ALPL: variants seen among roughly 807,000 people sequenced by gnomAD.
The protein encoded by ALPL is alkaline phosphatase, biomineralization associated.
A neutral mutation model predicts 51.3 loss-of-function variants in ALPL; 42 were observed. That is an observed-to-expected ratio of 0.82 (90% confidence interval 0.64 to 1.06). The LOEUF (loss-of-function observed/expected upper bound fraction) is 1.06, where lower values mean the gene tolerates loss of function less well. Among genes scored for constraint, ALPL ranks in the 50% least tolerant of loss-of-function variants. The probability of loss-of-function intolerance (pLI) is 0.00; values close to 1 mark genes in which losing one functional copy is unlikely to be tolerated. For missense variants in ALPL, 589 were observed against 709.4 expected (o/e 0.83, Z 1.93); for synonymous variants, 279 against 296.4 (o/e 0.94, Z 0.60).
intron 1 of ALPL, among the ~76,000 whole-genome samples, chr1:21,538,298 C>G (rs1325553308): frequency 6.6e-6 from 1 of 152,150 alleles, no homozygotes; most frequent in East Asian, 1.9e-4. Flanking sequence ...GGGCTCTCGG[C>G]GTCAGCCCTG....
chr1:21,564,841 A>G lies in ALPL; in HGVS notation c.648+625A>G, dbSNP rs553139659. Among the ~76,000 whole-genome samples, 95 of 152,332 alleles carry G rather than the reference A, an allele frequency of 6.2e-4. No individual in the cohort carries two copies. Among genetic ancestry groups the G allele is most frequent in the African/African-American group, 2.2e-3 (93 of 41,570 alleles). The stretch of plus-strand genomic sequence containing the variant: ...GAGCTCAGCACAGGACCCGAGGCCT[A>G]GCGAGTGCCCAGAAGGTGGTGGCAC... On this transcript the variant is annotated intron_variant, in intron 6 of 11. Transcript: ENST00000374840. This position sits in a 1 kb window ranked among gnomAD's most constrained non-coding sequence, Gnocchi z 5.8.
chr1:21,554,224 C>T, intron 2 of ALPL, 82 bp downstream of exon 2: 1 of 1,368,476 alleles, frequency 7.3e-7, no homozygotes, highest in Non-Finnish European at 1.0e-6. Context: ...TTTTAAGGTC[C>T]CAGAACCATC....
intron 5 of ALPL, among the ~76,000 whole-genome samples, chr1:21,563,684 CCAAGGCCAAAACACAGGTGA>C (rs1644519331): frequency 6.6e-6 from 1 of 152,150 alleles, no homozygotes. Flanking sequence ...TAGTCAGGGG[CCAAGGCCAAAACACAGGTGA>C]CAAGGCCAAC....
intron 1 of ALPL, among the ~76,000 whole-genome samples, chr1:21,540,322 T>TG (rs11463187): frequency 0.26 from 39,187 of 152,104 alleles, 5,264 homozygotes; most frequent in Middle Eastern, 0.38. Context: ...TCCCTGCTGC[T>TG]TCTCTCCTGC....
At chr1:21,514,032 G>A (rs1643743996) in intron 1 of ALPL, among the ~76,000 whole-genome samples, 1 of 152,202 alleles carries the variant, frequency 6.6e-6, no homozygotes, top group Admixed American at 6.5e-5. Flanking sequence ...ATTGTGTGGG[G>A]CTTGGGCCAG....
At chr1:21,529,437 T>G (rs369375622) in intron 1 of ALPL, among the ~76,000 whole-genome samples, 1 of 152,080 alleles carries the variant, frequency 6.6e-6, no homozygotes, top group Non-Finnish European at 1.5e-5. Flanking sequence ...TAATTTTTTT[T>G]GTAGAGATGA....
In ALPL at chr1:21,514,167, A is replaced by G. The variant is rs72874242; in HGVS notation, c.-105+4650A>G. Among the ~76,000 whole-genome samples, 1,083 of 152,292 alleles carry G rather than the reference A, an allele frequency of 7.1e-3. 19 individuals carry two copies. Among genetic ancestry groups the G allele is most frequent in the African/African-American group, 0.026 (1,060 of 41,554 alleles). Reference sequence around the variant, plus strand: ...CTTTTTTCCTGCTTCGGTGGTCCTCAGGAAGAGTCTGAGGGCTCTGGAGGT... The same window carrying G: ...CTTTTTTCCTGCTTCGGTGGTCCTCGGGAAGAGTCTGAGGGCTCTGGAGGT... On this transcript the variant is annotated intron_variant, in intron 1 of 11. Transcript: ENST00000374840.
At chr1:21,573,930 T>C in intron 9 of ALPL, 131 bp downstream of exon 9, 2 of 1,501,832 alleles carry the variant, frequency 1.3e-6, no homozygotes, top group Non-Finnish European at 1.8e-6. Flanking sequence ...GGAGAATAGG[T>C]TGTGGAAGGA....
intron 1 of ALPL, among the ~76,000 whole-genome samples, chr1:21,552,829 G>T (rs1306308059): frequency 6.6e-6 from 1 of 152,186 alleles, no homozygotes; most frequent in African/African-American, 2.4e-5. Context: ...GGTAGAGTGT[G>T]TATTACTGCT....
intron 1 of ALPL, among the ~76,000 whole-genome samples, chr1:21,539,811 A>C (rs973358773): frequency 3.3e-5 from 5 of 151,914 alleles, no homozygotes; most frequent in African/African-American, 4.8e-5. Context: ...CCCGCCACCC[A>C]GCCCAGCTAA....
chr1:21,570,357 AT>A lies in ALPL; in HGVS notation c.846del (p.Asn282LysfsTer18). ...RTELLTLDPHNVDYLLGLFEP... is the reference protein window; with the variant it reads ...RTELLTLDPHXVDYLLGLFEP... Reference sequence around the variant, plus strand: ...GAACTCCTGACCCTTGACCCCCACAATGTGGACTACCTATTGGGTAAGTGGA... The same window carrying A: ...GAACTCCTGACCCTTGACCCCCACAAGTGGACTACCTATTGGGTAAGTGGA... On this transcript the variant is annotated frameshift_variant, in exon 8 of 12. Coordinates refer to ENST00000374840, the MANE Select transcript of ALPL (RefSeq NM_000478.6). LOFTEE classifies it high-confidence loss of function. 2 of 1,613,816 alleles carry A rather than the reference AT, an allele frequency of 1.2e-6. No individual in the cohort carries two copies. The highest frequency in any genetic ancestry group is 1.7e-6 in the Non-Finnish European group (2 of 1,179,840).
chr1:21,540,393 C>A (rs1644167303), intron 1 of ALPL, among the ~76,000 whole-genome samples: 1 of 152,192 alleles, frequency 6.6e-6, no homozygotes, highest in Non-Finnish European at 1.5e-5. Context: ...CATGACCGTC[C>A]TGGAGCCTCA....
At chr1:21,519,453 T>C (rs552296007) in intron 1 of ALPL, among the ~76,000 whole-genome samples, 17 of 152,242 alleles carry the variant, frequency 1.1e-4, no homozygotes, top group Admixed American at 2.0e-4. Context: ...CCTTCCACGT[T>C]TACACATGCG....
intron 1 of ALPL, 136 bp from the exon 2 acceptor site, chr1:21,553,842 G>A (rs1644363360): frequency 3.6e-6 from 2 of 552,282 alleles, no homozygotes; most frequent in Admixed American, 5.6e-5. Context: ...GCATCCCAAT[G>A]TTGAGCCCCA....
chr1:21,519,086 T>C (rs1230481429), intron 1 of ALPL, among the ~76,000 whole-genome samples: 1 of 152,218 alleles, frequency 6.6e-6, no homozygotes, highest in Non-Finnish European at 1.5e-5. Context: ...GGGGCTGTAG[T>C]GTAGCCCAGC....
At chr1:21,555,437 ACAGACTCTCACTCTGTTTGCC>A (rs1417290046) in intron 2 of ALPL, among the ~76,000 whole-genome samples, 1 of 152,154 alleles carries the variant, frequency 6.6e-6, no homozygotes, top group East Asian at 1.9e-4. Context: ...TGAGACAGAG[ACAGACTCTCACTCTGTTTGCC>A]CAGGATGGAG....
At chr1:21,545,527 G>T (rs901667505) in intron 1 of ALPL, among the ~76,000 whole-genome samples, 1 of 152,034 alleles carries the variant, frequency 6.6e-6, no homozygotes, top group African/African-American at 2.4e-5. Context: ...CTGACCTCAG[G>T]TGATCCACCC....
intron 1 of ALPL, among the ~76,000 whole-genome samples, chr1:21,529,093 A>G (rs1410620432): frequency 2.6e-5 from 4 of 151,556 alleles, no homozygotes; most frequent in African/African-American, 7.3e-5. Flanking sequence ...AGAAAATATT[A>G]TGGAGTCAGT....
At chr1:21,548,045 G>T (rs1570240377) in intron 1 of ALPL, among the ~76,000 whole-genome samples, 2 of 152,210 alleles carry the variant, frequency 1.3e-5, no homozygotes, top group South Asian at 4.1e-4. Context: ...AGCCTAGCCG[G>T]GGCTTCTGCA....
Sources: allele counts gnomAD v4.1 joint callset (sites outside exome capture counted in the v4.1 genomes callset), GRCh38; gene constraint gnomAD v4.1.1; non-coding constraint Gnocchi (gnomAD v3.1); transcripts MANE v1.5; gene names NCBI Gene and HGNC (gene_info 2026-07-23, HGNC 2026-07-21).